The following BCL6 variants were observed in gnomAD, a reference collection of about 807,000 sequenced individuals.
The protein encoded by BCL6 is BCL6 transcription repressor.
BCL6 carries 7 observed loss-of-function variants against 59.5 expected under a neutral mutation model. The observed-to-expected ratio is 0.12, with a 90% CI of 0.07 to 0.22. The LOEUF is 0.22. Ranked by LOEUF, BCL6 falls within the 10% of genes least tolerant of loss-of-function variation. The pLI is 1.00. For missense variants in BCL6, 685 were observed against 939.4 expected (o/e 0.73, Z 3.54); for synonymous variants, 339 against 349.7 (o/e 0.97, Z 0.34).
chr3:187,735,872 TCTGGGTAAAGAGGC>T (rs1256757030), intron 1 of BCL6, among the ~76,000 whole-genome samples: 6 of 152,108 alleles, frequency 3.9e-5, no homozygotes, highest in Non-Finnish European at 7.4e-5. Context: ...AGAGCTATTT[TCTGGGTAAAGAGGC>T]CTGAGGCCAA....
In BCL6 at chr3:187,729,609, G is replaced by T. The variant is rs754024282; in HGVS notation, c.796C>A (p.Pro266Thr). The T allele has an allele frequency of 1.2e-6, 2 of 1,614,008 alleles. No homozygotes were observed. Among genetic ancestry groups the T allele is most frequent in the Non-Finnish European group, 1.7e-6 (2 of 1,180,046 alleles). ...SNIYSPKETI[P>T]EEARSDMHYS... ...TGCATATCACTTCGTGCCTCTTCTG[G>T]GATTGTTTCCTTGGGTGAATAGATA... Residue 266 changes from proline (P) to threonine (T), a missense_variant, in exon 5 of 10, where the codon CCA (proline) becomes ACA (threonine). By Grantham distance (38) the Pro-to-Thr change is conservative. This residue lies in a region of BCL6 where 268 missense variants were observed against 263.8 expected (regional missense o/e 1.02). Transcript: ENST00000406870. This position sits in a 1 kb window ranked among gnomAD's most constrained non-coding sequence, Gnocchi z 5.6.
chr3:187,728,296 A>G (rs1249426764), intron 6 of BCL6, 64 bp downstream of exon 6: 28 of 1,448,970 alleles, frequency 1.9e-5, no homozygotes, highest in Middle Eastern at 1.8e-4. Context: ...AATGGAGCAC[A>G]AAACCTATGG....
chr3:187,729,549 G>C lies in BCL6; in HGVS notation c.856C>G (p.Pro286Ala). ...AAGTAGGGGGCATTTCGGGCTGAGG[G>C]GGCAGCAGGTTTGAGGCCCTCAGCC... ...SVAEGLKPAA[P>A]SARNAPYFPC... Residue 286 changes from proline (P) to alanine (A), a missense_variant, in exon 5 of 10, where the codon CCC becomes GCC. Physicochemically the swap from Pro to Ala is conservative, Grantham distance 27. Transcript: ENST00000406870. The surrounding 1 kb of genome is among the most constrained non-coding windows in gnomAD (Gnocchi z 5.6). 1 of 1,613,948 alleles carries C rather than the reference G, an allele frequency of 6.2e-7. No homozygotes were observed. Among genetic ancestry groups the C allele is most frequent in the Middle Eastern group, 1.6e-4 (1 of 6,062 alleles).
At chr3:187,744,654 A>C (rs537316684) in intron 1 of BCL6, among the ~76,000 whole-genome samples, 1 of 152,220 alleles carries the variant, frequency 6.6e-6, no homozygotes. Flanking sequence ...AAGGCAGGGA[A>C]TCTAAAAGAC....
chr3:187,723,008 A>G (rs984861316), intron 9 of BCL6, among the ~76,000 whole-genome samples: 3 of 152,190 alleles, frequency 2.0e-5, no homozygotes, highest in Admixed American at 1.3e-4. Flanking sequence ...CTCCGTGTGC[A>G]TGGATCCTTC....
At chr3:187,724,817 G>T in intron 9 of BCL6, 124 bp downstream of exon 9, 1 of 1,379,138 alleles carries the variant, frequency 7.3e-7, no homozygotes, top group Non-Finnish European at 9.9e-7. Flanking sequence ...GCCCCACTGT[G>T]TGCTTGAGAT....
intron 1 of BCL6, among the ~76,000 whole-genome samples, chr3:187,739,987 A>G (rs906264667): frequency 1.3e-5 from 2 of 152,144 alleles, no homozygotes; most frequent in Non-Finnish European, 2.9e-5. Context: ...GTCCGAACAG[A>G]GGCGCGTTTC....
At chr3:187,736,035 T>C (rs979878560) in intron 1 of BCL6, 1 of 152,184 alleles carries the variant, frequency 6.6e-6, no homozygotes, top group Non-Finnish European at 1.5e-5. Context: ...ATCTCATTTT[T>C]AAGTTCCTTC....
Position 187,729,474 on chromosome 3 carries a change from C to G in BCL6, c.931G>C (p.Glu311Gln). ...KEEERPSSED[E>Q]IALHFEPPNA... ...GGGGGCTCGAAATGCAGGGCAATCT[C>G]ATCTTCCGAGGAGGGTCTCTCTTCT... The change falls in exon 5 of 10, where the codon GAG becomes CAG. Residue 311 changes from glutamate to glutamine, a missense_variant. Glu to Gln is a conservative substitution (Grantham distance 29). Transcript: ENST00000406870. This position sits in a 1 kb window ranked among gnomAD's most constrained non-coding sequence, Gnocchi z 5.6. 1 of 1,611,494 alleles carries G rather than the reference C, an allele frequency of 6.2e-7. No individual in the cohort carries two copies. Among genetic ancestry groups the G allele is most frequent in the Non-Finnish European group, 8.5e-7 (1 of 1,178,462 alleles).
intron 1 of BCL6, among the ~76,000 whole-genome samples, chr3:187,744,877 C>T (rs906408453): frequency 3.3e-5 from 5 of 152,238 alleles, no homozygotes; most frequent in Middle Eastern, 3.4e-3. Context: ...CCAGAGAGAT[C>T]ACAAGCCGTA....
rs1331628052 is a variant in BCL6, at chr3:187,735,771, A to G, written c.-49-864T>C. On this transcript the variant is annotated intron_variant, in intron 1 of 9. Coordinates refer to ENST00000406870, the MANE Select transcript of BCL6 (RefSeq NM_001706.5). ...CAAAATCATTAAAAGCACAGGTGTA[A>G]GACCCTCATTTATGATCAAATGTGG... is the stretch of plus-strand genomic sequence containing the variant. Among the ~76,000 whole-genome samples the G allele has an allele frequency of 2.6e-5, 4 of 152,176 alleles. No individual in the cohort carries two copies. The East Asian group carries it at 7.7e-4, about 29-fold the overall frequency.
chr3:187,744,002 G>A (rs1414107179), intron 1 of BCL6, among the ~76,000 whole-genome samples: 1 of 152,296 alleles, frequency 6.6e-6, no homozygotes. Flanking sequence ...TTGCACATAA[G>A]GAACGCGGGC....
At chr3:187,744,264 G>C (rs545391754) in intron 1 of BCL6, among the ~76,000 whole-genome samples, 1 of 152,230 alleles carries the variant, frequency 6.6e-6, no homozygotes, top group African/African-American at 2.4e-5. Flanking sequence ...GTCCTGTCGA[G>C]GTTCCCTGAG....
intron 9 of BCL6, among the ~76,000 whole-genome samples, chr3:187,724,078 C>A (rs373788651): frequency 3.3e-5 from 5 of 152,142 alleles, no homozygotes; most frequent in African/African-American, 1.2e-4. Context: ...ACAAAAATAA[C>A]CATGTTTTGC....
At chr3:187,745,288 A>G (rs565563131) in intron 1 of BCL6, 122 bp downstream of exon 1, 5 of 398,732 alleles carry the variant, frequency 1.3e-5, no homozygotes, top group South Asian at 1.2e-4. Context: ...CAAGAGCGGA[A>G]AAAAAAAGAA....
rs371290231 is a variant in BCL6, at chr3:187,729,106, G to A, written c.1299C>T (p.Ala433=). The change falls in exon 5 of 10, where the codon GCC becomes GCT. Residue 433 remains alanine (A), a synonymous_variant. Transcript: ENST00000406870. This position sits in a 1 kb window ranked among gnomAD's most constrained non-coding sequence, Gnocchi z 5.6. ...GTGGGATGGTGGAGTCCTCCCCGCT[G>A]GCACTCAGCTTGGTTGGGGACTGGA... is the stretch of plus-strand genomic sequence containing the variant. The part of the protein sequence containing the change: ...LDLQSPTKLS[A]SGEDSTIPQA... 78 of 1,559,676 alleles carry A rather than the reference G, an allele frequency of 5.0e-5. No homozygotes were observed. In the African/African-American group the frequency reaches 9.3e-4, roughly 19 times the overall value.
rs1391779185 is a variant in BCL6, at chr3:187,731,799, C to T, written c.293G>A (p.Arg98Gln). ...DFMYTSRLNLREGNIMAVMAT... is the reference protein window; with the variant it reads ...DFMYTSRLNLQEGNIMAVMAT... ...CATCACAGCCATGATGTTGCCCTCC[C>T]GCAAATTGAGCCGAGATGTGTACAT... The change falls in exon 4 of 10, where the codon CGG becomes CAG. Residue 98 changes from arginine (R) to glutamine (Q), a missense_variant. Coordinates refer to ENST00000406870, the MANE Select transcript of BCL6 (RefSeq NM_001706.5). The T allele has an allele frequency of 5.6e-6, 9 of 1,614,152 alleles. No homozygotes were observed. The highest frequency in any genetic ancestry group is 6.8e-6 in the Non-Finnish European group (8 of 1,180,040).
intron 3 of BCL6, among the ~76,000 whole-genome samples, chr3:187,732,765 G>T (rs1300936044): frequency 6.6e-6 from 1 of 152,150 alleles, no homozygotes; most frequent in Non-Finnish European, 1.5e-5. Context: ...AATGATGCCT[G>T]GCATATAGTA....
At chr3:187,724,915 A>T in intron 9 of BCL6, 26 bp downstream of exon 9, 1 of 1,600,104 alleles carries the variant, frequency 6.2e-7, no homozygotes, top group South Asian at 1.1e-5. Flanking sequence ...CGCAGGTCAG[A>T]GAGCGGCCTC....
Sources: gnomAD v4.1 joint callset for allele counts (sites outside exome capture counted in the v4.1 genomes callset) on GRCh38, gnomAD v4.1.1 for gene constraint, gnomAD v4.1.1 regional missense constraint, Gnocchi (gnomAD v3.1) non-coding constraint, MANE v1.5 for transcripts, NCBI Gene and HGNC (gene_info 2026-07-23, HGNC 2026-07-21) for gene names.